CXCL13: variants seen among roughly 807,000 people sequenced by gnomAD.
CXCL13 encodes C-X-C motif chemokine 13.
CXCL13 carries 7 observed loss-of-function variants against 12.2 expected under a neutral mutation model. The observed-to-expected ratio is 0.57, with a 90% CI of 0.33 to 1.07. The LOEUF is 1.07. CXCL13 is among the 50% of genes least tolerant of loss of function. CXCL13 has a pLI of 0.04. For missense variants in CXCL13, 113 were observed against 127.4 expected, an observed-to-expected ratio of 0.89 and a Z score of 0.55; for synonymous variants, 47 against 42.4, an observed-to-expected ratio of 1.11 and a Z score of -0.42.
rs554414527 is a variant in CXCL13, at chr4:77,521,682, A to AT, written c.-43+9900dup. On this transcript the variant is annotated intron_variant, in intron 1 of 4. Transcript: ENST00000286758. ...AAAAAAACAGCTCCTGGATTCATTG[A>AT]TTTTTTGAAGGGTATTTTTGTCTCT... is the stretch of plus-strand genomic sequence containing the variant. Among the ~76,000 whole-genome samples, 143 of 151,086 alleles carry AT rather than the reference A, an allele frequency of 9.5e-4. 2 individuals are homozygous for AT. The highest frequency in any genetic ancestry group is 2.7e-3 in the African/African-American group (113 of 41,154).
At chr4:77,540,818 C>A (rs1725190671) in intron 1 of CXCL13, among the ~76,000 whole-genome samples, 1 of 152,086 alleles carries the variant, frequency 6.6e-6, no homozygotes, top group Non-Finnish European at 1.5e-5. Context: ...TTTTTAAGTT[C>A]TTTGAGAAGT....
At chr4:77,570,834 A>G (rs1726056165) in intron 1 of CXCL13, among the ~76,000 whole-genome samples, 1 of 150,750 alleles carries the variant, frequency 6.6e-6, no homozygotes, top group African/African-American at 2.5e-5. Context: ...GGTGTACTGG[A>G]TCCCCAAGCA....
Position 77,611,816 on chromosome 4 carries a change from G to A in CXCL13, c.*777G>A. 2.5e-6 allele frequency: 1 copy of A among 396,988 alleles called. No homozygotes were observed. Among genetic ancestry groups the A allele is most frequent in the East Asian group, 3.6e-5 (1 of 28,002 alleles). 24.6% of individuals were successfully genotyped at this position (396,988 alleles called of 1,614,324 possible). On this transcript the variant is annotated 3_prime_UTR_variant, in exon 4 of 4. Coordinates refer to ENST00000682537, the MANE Select transcript of CXCL13 (RefSeq NM_001371558.1). ...AAATCTAATGACATTCAATAAAGTT[G>A]AGCAAACATTTTACTTAATTATGAG... is the stretch of plus-strand genomic sequence containing the variant.
At chr4:77,580,353 A>AGTCTCTC (rs1726297549) in intron 1 of CXCL13, among the ~76,000 whole-genome samples, 1 of 22,496 alleles carries the variant, frequency 4.4e-5, no homozygotes, top group Non-Finnish European at 8.3e-5. Flanking sequence ...TTTGAGATGG[A>AGTCTCTC]GTCTCTCTCT....
intron 1 of CXCL13, among the ~76,000 whole-genome samples, chr4:77,547,696 G>A (rs1173638682): frequency 6.6e-6 from 1 of 152,128 alleles, no homozygotes; most frequent in Non-Finnish European, 1.5e-5. Context: ...CAATTTGCCA[G>A]TCTGTGTGTT....
At chr4:77,550,531 T>A (rs1293766801) in intron 1 of CXCL13, among the ~76,000 whole-genome samples, 2 of 152,228 alleles carry the variant, frequency 1.3e-5, no homozygotes, top group Non-Finnish European at 2.9e-5. Context: ...AGCCTTGTTT[T>A]GTGGCCAAGC....
intron 1 of CXCL13, among the ~76,000 whole-genome samples, chr4:77,588,072 G>A (rs1726521076): frequency 1.3e-5 from 2 of 152,116 alleles, no homozygotes; most frequent in African/African-American, 4.8e-5. Context: ...ATGGCCAAGG[G>A]GATTTTGATC....
chr4:77,607,788 AAT>A lies in CXCL13; in HGVS notation c.151_152del (p.Ile51SerfsTer31). The A allele has an allele frequency of 6.2e-7, 1 of 1,614,098 alleles. No individual in the cohort carries two copies. On this transcript the variant is annotated frameshift_variant, in exon 2 of 4. Coordinates refer to ENST00000682537, the MANE Select transcript of CXCL13 (RefSeq NM_001371558.1). LOFTEE classifies it high-confidence loss of function. ...TTATCCCTAGACGCTTCATTGATCG[AAT>A]TCAAATCTTGCCCCGTGGGAATGGT... is the stretch of plus-strand genomic sequence containing the variant. ...VFIPRRFIDR[I>X]QILPRGNGCP...
Position 77,610,645 on chromosome 4 carries a change from G to A in CXCL13, c.229G>A (p.Val77Met). Residue 77 changes from valine (V) to methionine (M), a missense_variant, in exon 3 of 4, where the codon GTG (valine) becomes ATG (methionine). Coordinates refer to ENST00000682537, the MANE Select transcript of CXCL13 (RefSeq NM_001371558.1). ...GAAGAAGAACAAGTCAATTGTGTGT[G>A]TGGACCCTCAAGCTGAATGGATACA... ...VWKKNKSIVC[V>M]DPQAEWIQRM... 1 of 1,613,410 alleles carries A rather than the reference G, an allele frequency of 6.2e-7. No homozygotes were observed. Among genetic ancestry groups the A allele is most frequent in the Non-Finnish European group, 8.5e-7 (1 of 1,179,368 alleles).
chr4:77,528,474 G>C (rs374867328), intron 1 of CXCL13, among the ~76,000 whole-genome samples: 8 of 152,236 alleles, frequency 5.3e-5, no homozygotes, highest in Middle Eastern at 3.4e-3. Context: ...GCCATTCTAA[G>C]TGGTGTGAGA....
At chr4:77,561,873 TG>T (rs1241967541) in intron 1 of CXCL13, among the ~76,000 whole-genome samples, 1 of 152,076 alleles carries the variant, frequency 6.6e-6, no homozygotes, top group Non-Finnish European at 1.5e-5. Context: ...CCTCTGCTTG[TG>T]GGGTGATGTG....
intron 1 of CXCL13, among the ~76,000 whole-genome samples, chr4:77,558,977 G>A (rs577846451): frequency 7.2e-5 from 11 of 152,258 alleles, no homozygotes; most frequent in South Asian, 2.1e-4. Context: ...GAAGCCACCC[G>A]ATTCTATTGC....
At chr4:77,551,294 C>T (rs538326559) in intron 1 of CXCL13, among the ~76,000 whole-genome samples, 1 of 152,244 alleles carries the variant, frequency 6.6e-6, no homozygotes, top group South Asian at 2.1e-4. Context: ...TCCTTTGAGG[C>T]TCTCTTGAAG....
intron 1 of CXCL13, among the ~76,000 whole-genome samples, chr4:77,514,303 T>A (rs1362065092): frequency 6.6e-6 from 1 of 151,020 alleles, no homozygotes; most frequent in Admixed American, 6.6e-5. Context: ...TGATTTATAG[T>A]CCTTTGGGTA....
intron 1 of CXCL13, among the ~76,000 whole-genome samples, chr4:77,578,174 G>A (rs1045820931): frequency 6.6e-6 from 1 of 152,116 alleles, no homozygotes; most frequent in Non-Finnish European, 1.5e-5. Flanking sequence ...GGATTCTTGA[G>A]CTGACTTTAT....
intron 1 of CXCL13, among the ~76,000 whole-genome samples, chr4:77,555,705 C>T (rs1276627416): frequency 6.6e-6 from 1 of 151,968 alleles, no homozygotes; most frequent in Non-Finnish European, 1.5e-5. Flanking sequence ...CAAGCCCCAA[C>T]AGATTTGTTG....
At chr4:77,514,419 C>A (rs1169592306) in intron 1 of CXCL13, among the ~76,000 whole-genome samples, 1 of 138,802 alleles carries the variant, frequency 7.2e-6, no homozygotes, top group African/African-American at 2.7e-5. Context: ...TACAGTCCCA[C>A]CAACAGTGTA....
intron 1 of CXCL13, among the ~76,000 whole-genome samples, chr4:77,565,449 A>G (rs1187855145): frequency 6.6e-6 from 1 of 152,172 alleles, no homozygotes; most frequent in Non-Finnish European, 1.5e-5. Flanking sequence ...TATGCCACAG[A>G]CTTGTTCACT....
chr4:77,582,696 G>T (rs1243875456), intron 1 of CXCL13, among the ~76,000 whole-genome samples: 1 of 152,166 alleles, frequency 6.6e-6, no homozygotes, highest in Non-Finnish European at 1.5e-5. Context: ...AAAGTTAAAA[G>T]CAAGGGAGAT....
Sources: gnomAD v4.1 joint callset for allele counts (sites outside exome capture counted in the v4.1 genomes callset) on GRCh38, gnomAD v4.1.1 for gene constraint, MANE v1.5 for transcripts, NCBI Gene and HGNC (gene_info 2026-07-23, HGNC 2026-07-21) for gene names.